TP63: variants seen among roughly 807,000 people sequenced by gnomAD.
TP63 encodes the protein tumor protein p63, also known as tumor protein 63.
TP63 carries 17 observed loss-of-function variants against 82.8 expected under a neutral mutation model. The observed-to-expected ratio is 0.21, with a 90% CI of 0.14 to 0.31. TP63 has a LOEUF of 0.31. TP63 is among the 10% of genes least tolerant of loss of function. The probability of loss-of-function intolerance (pLI) is 1.00; values close to 1 mark genes in which losing one functional copy is unlikely to be tolerated. For missense variants in TP63, 648 were observed against 895.3 expected, an observed-to-expected ratio of 0.72 and a Z score of 3.52; for synonymous variants, 330 against 321.7, an observed-to-expected ratio of 1.03 and a Z score of -0.28.
At chr3:189,870,541 G>T (rs1718293748) in intron 9 of TP63, among the ~76,000 whole-genome samples, 1 of 152,072 alleles carries the variant, frequency 6.6e-6, no homozygotes, top group Non-Finnish European at 1.5e-5. Context: ...CCAGATGGGG[G>T]TGGGTAGTCC....
intron 4 of TP63, among the ~76,000 whole-genome samples, chr3:189,811,387 A>C (rs1349678983): frequency 2.6e-5 from 4 of 152,202 alleles, no homozygotes; most frequent in Non-Finnish European, 5.9e-5. Flanking sequence ...TTCTACCTAT[A>C]AATTTTACAA....
chr3:189,627,011 C>A (rs986152336), upstream of TP63, among the ~76,000 whole-genome samples: 3 of 152,168 alleles, frequency 2.0e-5, no homozygotes, highest in African/African-American at 7.2e-5. Context: ...CTGATTGATA[C>A]ATCCTTCCCC....
intron 3 of TP63, among the ~76,000 whole-genome samples, chr3:189,788,457 G>T (rs1724794685): frequency 6.6e-6 from 1 of 151,852 alleles, no homozygotes; most frequent in South Asian, 2.1e-4. Context: ...ATCTCTTCTG[G>T]CTTCCAATTC....
chr3:189,695,935 G>C (rs977654450), intron 1 of TP63, among the ~76,000 whole-genome samples: 1 of 152,094 alleles, frequency 6.6e-6, no homozygotes, highest in African/African-American at 2.4e-5. Context: ...ACTTAAGTTA[G>C]TGTCTCCTCC....
intron 3 of TP63, among the ~76,000 whole-genome samples, chr3:189,788,991 C>T (rs1724851829): frequency 6.6e-6 from 1 of 150,634 alleles, no homozygotes. Flanking sequence ...TCCTATTTCC[C>T]GTACATAATA....
intron 3 of TP63, among the ~76,000 whole-genome samples, chr3:189,761,253 AGGCT>A (rs1376038752): frequency 1.4e-4 from 21 of 152,316 alleles, no homozygotes; most frequent in Non-Finnish European, 2.9e-4. Flanking sequence ...TTGCATTGTC[AGGCT>A]GCAAATTTTC....
chr3:189,890,577 T>C (rs1185600141), intron 12 of TP63, among the ~76,000 whole-genome samples: 1 of 152,122 alleles, frequency 6.6e-6, no homozygotes, highest in Non-Finnish European at 1.5e-5. Flanking sequence ...GGAATCCTTA[T>C]AGTTGATTTT....
intron 11 of TP63, 133 bp downstream of exon 11, chr3:189,886,684 C>G: frequency 7.6e-7 from 1 of 1,313,170 alleles, no homozygotes; most frequent in African/African-American, 1.5e-5. Flanking sequence ...AGTGGAGTGG[C>G]TTGGGTTTCT....
chr3:189,875,688 C>T (rs771727983), intron 10 of TP63, among the ~76,000 whole-genome samples: 9 of 127,962 alleles, frequency 7.0e-5, no homozygotes, highest in Non-Finnish European at 1.1e-4. Flanking sequence ...TAGATAAATG[C>T]GTGGATCTCC....
At chr3:189,782,113 C>T (rs1465404331) in intron 3 of TP63, among the ~76,000 whole-genome samples, 1 of 152,218 alleles carries the variant, frequency 6.6e-6, no homozygotes, top group Non-Finnish European at 1.5e-5. Context: ...CCCTTTCATG[C>T]ATGATCCTGA....
chr3:189,617,138 T>C, the TP63 span, among the ~76,000 whole-genome samples: 1 of 152,210 alleles, frequency 6.6e-6, no homozygotes, highest in African/African-American at 2.4e-5. Flanking sequence ...CCCCACCCTC[T>C]GGAATGCATG....
chr3:189,737,369 G>T (rs1363688231), intron 1 of TP63, among the ~76,000 whole-genome samples: 1 of 152,076 alleles, frequency 6.6e-6, no homozygotes, highest in Non-Finnish European at 1.5e-5. Context: ...TTATAAAATG[G>T]GTTTAATGAT....
rs187910893 is a variant in TP63 at position 189,890,648 on chromosome 3, A to G, written c.1653-141A>G. Reference sequence around the variant, plus strand: ...TCTCCAGACCTCAGACTTAAGGCCCACATATATATTACCCAATCCTCATCT... The same window carrying G: ...TCTCCAGACCTCAGACTTAAGGCCCGCATATATATTACCCAATCCTCATCT... On this transcript the variant is annotated intron_variant, in intron 12 of 13. Coordinates refer to ENST00000264731, the MANE Select transcript of TP63 (RefSeq NM_003722.5). 113 of 707,298 alleles carry G rather than the reference A, an allele frequency of 1.6e-4. No homozygotes were observed. In the African/African-American group the frequency reaches 1.8e-3, roughly 11 times the overall value. 43.8% of individuals were successfully genotyped at this position (707,298 alleles called of 1,614,324 possible).
At chr3:189,767,145 A>G (rs1723014097) in intron 3 of TP63, among the ~76,000 whole-genome samples, 1 of 152,168 alleles carries the variant, frequency 6.6e-6, no homozygotes, top group Admixed American at 6.5e-5. Context: ...CTATGGTGAA[A>G]AATGTAATGG....
chr3:189,793,148 C>G (rs1227879939), intron 3 of TP63, among the ~76,000 whole-genome samples: 2 of 151,898 alleles, frequency 1.3e-5, no homozygotes, highest in Non-Finnish European at 2.9e-5. Flanking sequence ...TGGTTGTCCT[C>G]GAGCCCAGAG....
chr3:189,725,987 G>A (rs1719747636), intron 1 of TP63, among the ~76,000 whole-genome samples: 2 of 151,758 alleles, frequency 1.3e-5, no homozygotes, highest in South Asian at 4.2e-4. Context: ...CCCAAGAGCC[G>A]GAGGTTGCAG....
intron 4 of TP63, among the ~76,000 whole-genome samples, chr3:189,811,054 G>C (rs936321914): frequency 1.2e-4 from 19 of 152,182 alleles, no homozygotes; most frequent in African/African-American, 4.6e-4. Flanking sequence ...AGTAATATCA[G>C]TGCCCTGACA....
intron 3 of TP63, among the ~76,000 whole-genome samples, chr3:189,788,252 A>G (rs1291735542): frequency 6.6e-6 from 1 of 152,016 alleles, no homozygotes; most frequent in Non-Finnish European, 1.5e-5. Context: ...AAATTATATT[A>G]TGGGAGTTTT....
chr3:189,661,362 G>C (rs540223838), intron 1 of TP63, among the ~76,000 whole-genome samples: 2 of 151,986 alleles, frequency 1.3e-5, no homozygotes, highest in Non-Finnish European at 2.9e-5. Flanking sequence ...CTGTTTATGT[G>C]TTAAATCACA....
Sources: gnomAD v4.1 joint callset for allele counts (sites outside exome capture counted in the v4.1 genomes callset) on GRCh38, gnomAD v4.1.1 for gene constraint, MANE v1.5 for transcripts, NCBI Gene and HGNC (gene_info 2026-07-23, HGNC 2026-07-21) for gene names.